RBM27: variants seen among roughly 807,000 people sequenced by gnomAD.
RBM27 encodes the protein RNA-binding protein 27.
RBM27 carries 22 observed loss-of-function variants against 135.3 expected under a neutral mutation model. The ratio of observed to expected loss-of-function variants is 0.16; its 90% CI spans 0.12 to 0.23. RBM27 has a LOEUF of 0.23. Ranked by LOEUF, RBM27 falls within the 10% of genes least tolerant of loss-of-function variation. RBM27 has a pLI of 1.00. For synonymous variants in RBM27, 481 were observed against 442.4 expected, an observed-to-expected ratio of 1.09 and a Z score of -1.10; for missense variants, 1,009 against 1,281.0, an observed-to-expected ratio of 0.79 and a Z score of 3.24.
intron 1 of RBM27, among the ~76,000 whole-genome samples, chr5:146,213,846 A>T (rs757997330): frequency 6.6e-6 from 1 of 152,230 alleles, no homozygotes; most frequent in Non-Finnish European, 1.5e-5. Context: ...GCTTACTCCG[A>T]TAAAAATTTG....
chr5:146,269,848 C>T (rs1758787845), intron 17 of RBM27, among the ~76,000 whole-genome samples: 1 of 147,382 alleles, frequency 6.8e-6, no homozygotes, highest in Non-Finnish European at 1.5e-5. Context: ...GCTGGGATTA[C>T]AGGTGTGAAC....
chr5:146,206,303 GTTTTTTT>G (rs761175102), intron 1 of RBM27, among the ~76,000 whole-genome samples: 2 of 89,936 alleles, frequency 2.2e-5, no homozygotes, highest in Admixed American at 1.1e-4. Context: ...TTCGTTTTTT[GTTTTTTT>G]TTTTTTCCCC....
At chr5:146,224,606 C>T (rs916347274) in intron 3 of RBM27, among the ~76,000 whole-genome samples, 9 of 151,884 alleles carry the variant, frequency 5.9e-5, no homozygotes, top group Admixed American at 2.6e-4. Context: ...CGCTTGAACC[C>T]GGGCAGTGGA....
Position 146,286,821 on chromosome 5 carries a change from T to A in RBM27, c.*791T>A, listed in dbSNP as rs1561576119. On this transcript the variant is annotated 3_prime_UTR_variant, in exon 21 of 21. Coordinates refer to ENST00000265271, the MANE Select transcript of RBM27 (RefSeq NM_018989.2). ...CAGAATGTAAAAGGCTTTCACCTAT[T>A]GCCCCTTTCTCGTCCCCCTTTTCTT... is the stretch of plus-strand genomic sequence containing the variant. The A allele has an allele frequency of 6.6e-6, 1 of 152,320 alleles. No homozygotes were observed. Among genetic ancestry groups the A allele is most frequent in the Admixed American group, 6.6e-5 (1 of 15,254 alleles). The allele number at this position is 152,320 out of a possible 1,614,324, so 9.4% of individuals were successfully genotyped here.
intron 1 of RBM27, among the ~76,000 whole-genome samples, chr5:146,217,726 T>G (rs1378979065): frequency 1.3e-5 from 2 of 152,018 alleles, no homozygotes; most frequent in Non-Finnish European, 2.9e-5. Context: ...ATGGTTTTAC[T>G]TACTGTTATT....
In RBM27 at chr5:146,286,811, T is replaced by C. The variant is rs1759604003; in HGVS notation, c.*781T>C. ...TTTTATAACTCAGAATGTAAAAGGC[T>C]TTCACCTATTGCCCCTTTCTCGTCC... On this transcript the variant is annotated 3_prime_UTR_variant, in exon 21 of 21. Coordinates refer to ENST00000265271, the MANE Select transcript of RBM27 (RefSeq NM_018989.2). 6.6e-6 allele frequency: 1 copy of C among 152,196 alleles called. No homozygotes were observed. 9.4% of individuals were successfully genotyped at this position (152,196 alleles called of 1,614,324 possible). A position where few individuals can be genotyped will look rare whatever the true frequency, so the allele number is the denominator to read the frequency against.
chr5:146,233,775 C>T (rs200589172), intron 7 of RBM27, 32 bp downstream of exon 7: 8 of 1,348,894 alleles, frequency 5.9e-6, no homozygotes, highest in African/African-American at 3.0e-5. Flanking sequence ...TTTTCTCTAG[C>T]GTTCTGTTTA....
At position 146,219,018 on chromosome 5, in the gene RBM27, T is replaced by C. The variant is rs751831006; in HGVS notation, c.93T>C (p.Tyr31=). The C allele has an allele frequency of 6.2e-7, 1 of 1,611,782 alleles. No homozygotes were observed. The highest frequency in any genetic ancestry group is 1.1e-5 in the South Asian group (1 of 90,364). The change falls in exon 2 of 21, where the codon TAT becomes TAC. Residue 31 remains tyrosine (Y), a synonymous_variant. Transcript: ENST00000265271. ...CDADPSALAN[Y]VVALVKKDKP... is the part of the protein sequence containing the mutation. ...CTGATCCTTCAGCCTTAGCCAACTA[T>C]GTTGTAGCACTGGTCAAGAAGGACA...
At chr5:146,278,869 T>C (rs58848845) in intron 19 of RBM27, among the ~76,000 whole-genome samples, 57,596 of 151,302 alleles carry the variant, frequency 0.38, 11,518 homozygotes, top group African/African-American at 0.49. Flanking sequence ...CTACAGGCAC[T>C]CGCCACCACG....
In RBM27 at chr5:146,233,560, C is replaced by G. The variant is rs771741717; in HGVS notation, c.961C>G (p.Pro321Ala). 7.4e-6 allele frequency: 12 copies of G among 1,613,236 alleles called. No homozygotes were observed. Among genetic ancestry groups the G allele is most frequent in the Admixed American group, 1.7e-5 (1 of 59,862 alleles). ...PSMIPFPPPP[P>A]GLPPPPPPGM... is the part of the protein sequence containing the mutation. ...TATGATTCCTTTCCCACCCCCTCCT[C>G]CTGGGCTTCCTCCTCCACCACCTCC... Residue 321 changes from proline to alanine, a missense_variant, in exon 7 of 21, where the codon CCT (proline) becomes GCT (alanine). Pro to Ala is a conservative substitution (Grantham distance 27). This residue lies in a region of RBM27 where 329 missense variants were observed against 368.1 expected (regional missense o/e 0.89). Transcript: ENST00000265271.
intron 2 of RBM27, among the ~76,000 whole-genome samples, 173 bp from the exon 3 acceptor site, chr5:146,223,230 G>T: frequency 6.6e-6 from 1 of 152,106 alleles, no homozygotes; most frequent in Non-Finnish European, 1.5e-5. Flanking sequence ...TTGCAAGTAG[G>T]TCAGAAGGAT....
At chr5:146,254,290 G>A (rs1325515255) in intron 9 of RBM27, among the ~76,000 whole-genome samples, 2 of 151,914 alleles carry the variant, frequency 1.3e-5, no homozygotes, top group East Asian at 1.9e-4. Flanking sequence ...CTCCATCTCC[G>A]TTTTTTTAAA....
chr5:146,285,304 C>T (rs950967299), intron 20 of RBM27, among the ~76,000 whole-genome samples: 2 of 152,030 alleles, frequency 1.3e-5, no homozygotes, highest in Non-Finnish European at 2.9e-5. Context: ...GCGAGGTTTT[C>T]CTGATTTATA....
At chr5:146,240,380 G>A (rs1210808980) in intron 8 of RBM27, among the ~76,000 whole-genome samples, 1 of 152,048 alleles carries the variant, frequency 6.6e-6, no homozygotes, top group Non-Finnish European at 1.5e-5. Flanking sequence ...AGGCTGGAGT[G>A]CAGTGGTGAG....
At chr5:146,225,824 A>G (rs2126731325) in intron 3 of RBM27, among the ~76,000 whole-genome samples, 1 of 151,238 alleles carries the variant, frequency 6.6e-6, no homozygotes, top group Non-Finnish European at 1.5e-5. Context: ...TTGGCCTTCC[A>G]AAGTGCTGGG....
At chr5:146,225,397 G>GA (rs1273198290) in intron 3 of RBM27, among the ~76,000 whole-genome samples, 1 of 152,076 alleles carries the variant, frequency 6.6e-6, no homozygotes, top group Non-Finnish European at 1.5e-5. Context: ...AACATTAAAA[G>GA]AAAAAATGTG....
At chr5:146,252,729 T>TTAA (rs1269173845) in intron 9 of RBM27, among the ~76,000 whole-genome samples, 1 of 152,238 alleles carries the variant, frequency 6.6e-6, no homozygotes, top group Non-Finnish European at 1.5e-5. Flanking sequence ...TGTGTCATCC[T>TTAA]TAAACACATT....
chr5:146,234,354 G>A (rs1294558724), intron 7 of RBM27, among the ~76,000 whole-genome samples: 4 of 151,974 alleles, frequency 2.6e-5, no homozygotes, highest in African/African-American at 4.8e-5. Flanking sequence ...CCTCAATGAC[G>A]ATCAATATTC....
intron 1 of RBM27, among the ~76,000 whole-genome samples, chr5:146,204,101 C>T (rs984024533): frequency 6.6e-6 from 1 of 151,962 alleles, no homozygotes; most frequent in South Asian, 2.1e-4. Flanking sequence ...GAAGGGGTAG[C>T]AGGGGCCGTG....
Sources: gnomAD v4.1 joint callset for allele counts (sites outside exome capture counted in the v4.1 genomes callset) on GRCh38, gnomAD v4.1.1 for gene constraint, gnomAD v4.1.1 regional missense constraint, MANE v1.5 for transcripts, NCBI Gene and HGNC (gene_info 2026-07-23, HGNC 2026-07-21) for gene names.